SLC17A4: variants seen among roughly 807,000 people sequenced by gnomAD.
SLC17A4 encodes the protein solute carrier family 17 member 4.
A neutral mutation model predicts 52.5 loss-of-function variants in SLC17A4; 33 were observed. That is an observed-to-expected ratio of 0.63 (90% CI 0.48 to 0.84). SLC17A4 has a LOEUF of 0.84. Ranked by LOEUF, SLC17A4 falls within the 40% of genes least tolerant of loss-of-function variation. The pLI is 0.00. For missense variants in SLC17A4, 585 were observed against 597.1 expected, an observed-to-expected ratio of 0.98 and a Z score of 0.21; for synonymous variants, 225 against 216.2, an observed-to-expected ratio of 1.04 and a Z score of -0.36.
rs1762940722 is a variant in SLC17A4, at chr6:25,776,576, C to CCA, written c.988-18_988-17insAC. The CCA allele has an allele frequency of 6.3e-7, 1 of 1,585,522 alleles. No individual in the cohort carries two copies. The highest frequency in any genetic ancestry group is 8.6e-7 in the Non-Finnish European group (1 of 1,165,342). On this transcript the variant is annotated intron_variant, in intron 8 of 11. Transcript: ENST00000377905. ...GGGTGGTAAGGGCACATGCACCTGA[C>CCA]CTAGTCTCTGGTCCTCAGAGTGGGA... is the stretch of plus-strand genomic sequence containing the variant.
chr6:25,766,194 T>C lies in SLC17A4; in HGVS notation c.92-2791T>C, dbSNP rs886694226. Among the ~76,000 whole-genome samples the C allele has an allele frequency of 3.0e-4, 45 of 151,198 alleles. 1 individual carries two copies. Among genetic ancestry groups the C allele is most frequent in the Middle Eastern group, 6.9e-3 (2 of 290 alleles). On this transcript the variant is annotated intron_variant, in intron 2 of 11. Transcript: ENST00000377905. ...GAATTATACATTTTTATGTTTCTAA[T>C]TTATAAATATGAATAAAGAAAAAAT...
chr6:25,763,051 G>A (rs1003706684), intron 2 of SLC17A4, among the ~76,000 whole-genome samples: 1 of 152,146 alleles, frequency 6.6e-6, no homozygotes, highest in South Asian at 2.1e-4. Flanking sequence ...CCATTTATGA[G>A]CTCATTATTA....
chr6:25,774,449 G>A (rs1762734138), intron 8 of SLC17A4, among the ~76,000 whole-genome samples: 1 of 152,188 alleles, frequency 6.6e-6, no homozygotes, highest in Non-Finnish European at 1.5e-5. Flanking sequence ...GTGCTAAGTA[G>A]CCAACAGAGA....
At chr6:25,769,999 C>T in intron 3 of SLC17A4, 68 bp from the exon 4 acceptor site, 1 of 1,446,828 alleles carries the variant, frequency 6.9e-7, no homozygotes. Context: ...TTTTGCCTCT[C>T]AAGTCCTCAC....
intron 1 of SLC17A4, among the ~76,000 whole-genome samples, chr6:25,759,051 T>C (rs1017358412): frequency 3.3e-5 from 5 of 152,240 alleles, no homozygotes; most frequent in African/African-American, 1.2e-4. Context: ...ATTTCATTGT[T>C]GAGCCAATGA....
At chr6:25,756,846 C>A (rs939378358) in intron 1 of SLC17A4, among the ~76,000 whole-genome samples, 2 of 152,110 alleles carry the variant, frequency 1.3e-5, no homozygotes, top group Non-Finnish European at 2.9e-5. Flanking sequence ...TTGGAACACT[C>A]GAAGAGTCTG....
chr6:25,768,864 A>C, intron 2 of SLC17A4, 121 bp from the exon 3 acceptor site: 2 of 888,910 alleles, frequency 2.2e-6, no homozygotes, highest in Non-Finnish European at 1.8e-6. Context: ...CTACAGAGGA[A>C]TGTCTGCTCT....
chr6:25,770,069 C>A lies in SLC17A4; in HGVS notation c.300C>A (p.Ala100=). 1.2e-6 allele frequency: 2 copies of A among 1,613,570 alleles called. No individual in the cohort carries two copies. Among genetic ancestry groups the A allele is most frequent in the East Asian group, 2.2e-5 (1 of 44,880 alleles). The change falls in exon 4 of 12, where the codon GCC becomes GCA. Residue 100 remains alanine (A), a splice_region_variant and synonymous_variant. Coordinates refer to ENST00000377905, the MANE Select transcript of SLC17A4 (RefSeq NM_005495.3). The part of the protein sequence containing the change: ...NETLKEFKAM[A]PAYDWSPEIQ... Reference sequence around the variant, plus strand: ...CAGTAACTCTCTTTGTCATCTAGGCCCCTGCATATGACTGGAGTCCTGAAA... The same window carrying A: ...CAGTAACTCTCTTTGTCATCTAGGCACCTGCATATGACTGGAGTCCTGAAA...
chr6:25,762,859 G>A (rs1447471781), intron 2 of SLC17A4, among the ~76,000 whole-genome samples: 2 of 152,122 alleles, frequency 1.3e-5, no homozygotes. Flanking sequence ...CTGTTTCTAA[G>A]GATTTCAGAG....
At chr6:25,777,084 C>G (rs1762987660) in intron 10 of SLC17A4, 125 bp downstream of exon 10, 17 of 976,618 alleles carry the variant, frequency 1.7e-5, no homozygotes, top group Middle Eastern at 2.9e-4. Flanking sequence ...AGCACCAGCT[C>G]TACATCCTAC....
intron 2 of SLC17A4, 127 bp from the exon 3 acceptor site, chr6:25,768,858 A>C (rs765699923): frequency 2.6e-5 from 23 of 870,180 alleles, no homozygotes; most frequent in Non-Finnish European, 4.0e-5. Context: ...ACACACCTAC[A>C]GAGGAATGTC....
intron 8 of SLC17A4, among the ~76,000 whole-genome samples, chr6:25,776,158 T>C (rs1000888718): frequency 2.0e-5 from 3 of 149,284 alleles, no homozygotes; most frequent in African/African-American, 4.9e-5. Context: ...CAAAAAAAAA[T>C]GGGTGTTTTT....
At position 25,777,184 on chromosome 6, in the gene SLC17A4, G is replaced by A. The variant is rs1762996735; in HGVS notation, c.1268+225G>A. 5.9e-6 allele frequency: 3 copies of A among 506,218 alleles called. No homozygotes were observed. In the South Asian group the frequency reaches 9.8e-5, roughly 17 times the overall value. The allele number at this position is 506,218 out of a possible 1,614,324, so 31.4% of individuals were successfully genotyped here. A position where few individuals can be genotyped will look rare whatever the true frequency, so the allele number is the denominator to read the frequency against. ...GTGAACAAGAGGAGTCAGTGGCCATGCTCAGAGTCAACTGAGGGAGACTCA... is the reference window on the plus strand; with the variant it reads ...GTGAACAAGAGGAGTCAGTGGCCATACTCAGAGTCAACTGAGGGAGACTCA... On this transcript the variant is annotated intron_variant, in intron 10 of 11. Transcript: ENST00000377905.
chr6:25,755,396 G>A (rs1230859663), intron 1 of SLC17A4, among the ~76,000 whole-genome samples: 2 of 152,178 alleles, frequency 1.3e-5, no homozygotes, highest in African/African-American at 4.8e-5. Context: ...GCCATGGGCT[G>A]TTTCTCATAA....
intron 2 of SLC17A4, among the ~76,000 whole-genome samples, chr6:25,766,220 T>C (rs1351404586): frequency 6.6e-6 from 1 of 151,384 alleles, no homozygotes; most frequent in Non-Finnish European, 1.5e-5. Flanking sequence ...AAGAAAAAAT[T>C]ATACATGTCA....
intron 3 of SLC17A4, 66 bp from the exon 4 acceptor site, chr6:25,770,001 A>C: frequency 1.4e-6 from 2 of 1,462,840 alleles, no homozygotes. Flanking sequence ...TTGCCTCTCA[A>C]GTCCTCACAA....
In SLC17A4 at chr6:25,780,069, G is replaced by A. The variant is rs1366354586; in HGVS notation, c.*881G>A. The A allele has an allele frequency of 6.6e-6, 1 of 152,130 alleles. No individual in the cohort carries two copies. The highest frequency in any genetic ancestry group is 2.4e-5 in the African/African-American group (1 of 41,414). 9.4% of individuals were successfully genotyped at this position (152,130 alleles called of 1,614,324 possible). A position where few individuals can be genotyped will look rare whatever the true frequency, so the allele number is the denominator to read the frequency against. ...TCATTAACCTAAAATGTCTCCCAAA[G>A]ATGTATGTAAGACACACACTGCCCT... On this transcript the variant is annotated 3_prime_UTR_variant, in exon 12 of 12. Transcript: ENST00000377905.
Position 25,779,697 on chromosome 6 carries a change from G to A in SLC17A4, c.*509G>A, listed in dbSNP as rs17322552. The A allele has an allele frequency of 0.028, 4,344 of 152,586 alleles. 88 individuals carry two copies. The highest frequency in any genetic ancestry group is 0.045 in the Non-Finnish European group (3,082 of 68,262). The allele number at this position is 152,586 out of a possible 1,614,324, so 9.5% of individuals were successfully genotyped here. On this transcript the variant is annotated 3_prime_UTR_variant, in exon 12 of 12. Coordinates refer to ENST00000377905, the MANE Select transcript of SLC17A4 (RefSeq NM_005495.3). ...GTCTGCAACTAATGGGAGCAAGATA[G>A]TACACTTTAACTCTTTCAGACAACT...
At chr6:25,774,874 C>A (rs1004992198) in intron 8 of SLC17A4, among the ~76,000 whole-genome samples, 2 of 152,242 alleles carry the variant, frequency 1.3e-5, no homozygotes, top group Non-Finnish European at 2.9e-5. Context: ...GCTTACGCAT[C>A]TGTAAAATGA....
Sources: allele counts gnomAD v4.1 joint callset (sites outside exome capture counted in the v4.1 genomes callset), GRCh38; gene constraint gnomAD v4.1.1; transcripts MANE v1.5; gene names NCBI Gene and HGNC (gene_info 2026-07-23, HGNC 2026-07-21).